The following PTPRG variants were observed in gnomAD, a reference collection of about 807,000 sequenced individuals.
PTPRG encodes the protein protein tyrosine phosphatase receptor type G, also known as receptor-type tyrosine-protein phosphatase gamma.
A neutral mutation model predicts 165.3 loss-of-function variants in PTPRG; 102 were observed. The observed-to-expected ratio is 0.62, with a 90% CI of 0.53 to 0.73. The LOEUF (loss-of-function observed/expected upper bound fraction) is 0.73. Among genes scored for constraint, PTPRG ranks in the 30% least tolerant of loss-of-function variants. PTPRG has a pLI of 0.00. For missense variants in PTPRG, 1,866 were observed against 1,861.4 expected (o/e 1.00, Z -0.05); for synonymous variants, 675 against 669.5 (o/e 1.01, Z -0.13).
intron 4 of PTPRG, among the ~76,000 whole-genome samples, chr3:62,053,040 C>T (rs1036862610): frequency 6.6e-6 from 1 of 152,084 alleles, no homozygotes; most frequent in Non-Finnish European, 1.5e-5. Flanking sequence ...TGAATCCATT[C>T]GCTTTTCCAG....
chr3:62,054,090 G>A (rs1279037648), intron 4 of PTPRG, among the ~76,000 whole-genome samples: 3 of 152,114 alleles, frequency 2.0e-5, no homozygotes, highest in East Asian at 3.9e-4. Flanking sequence ...ATCTATGAGC[G>A]TACTGACTTC....
intron 1 of PTPRG, among the ~76,000 whole-genome samples, chr3:61,618,945 C>T (rs1380753690): frequency 2.1e-5 from 3 of 144,058 alleles, no homozygotes; most frequent in Non-Finnish European, 1.5e-5. Flanking sequence ...AGTTCGAGAC[C>T]AGCCTGGGCA....
rs1029157373 is a variant in PTPRG, at chr3:62,210,548, G to C, written c.2155+6598G>C. On this transcript the variant is annotated intron_variant, in intron 12 of 29. Transcript: ENST00000474889. The surrounding 1 kb of genome is among the most constrained non-coding windows in gnomAD (Gnocchi z 4.1). ...AAAAGTGAAACCAGAATTACCATAT[G>C]ATTTAGCAGTTCTACTTCTGGGTAT... is the stretch of plus-strand genomic sequence containing the variant. Among the ~76,000 whole-genome samples the C allele has an allele frequency of 5.3e-5, 8 of 152,184 alleles. No homozygotes were observed. The highest frequency in any genetic ancestry group is 1.0e-4 in the Non-Finnish European group (7 of 68,024).
At chr3:61,940,229 C>T (rs1383757342) in intron 2 of PTPRG, among the ~76,000 whole-genome samples, 2 of 152,068 alleles carry the variant, frequency 1.3e-5, no homozygotes, top group East Asian at 1.9e-4. Flanking sequence ...GGATTACAGG[C>T]GTGAGCCACC....
chr3:62,067,811 A>T (rs1045960087), intron 4 of PTPRG, among the ~76,000 whole-genome samples: 6 of 152,162 alleles, frequency 3.9e-5, no homozygotes, highest in African/African-American at 1.2e-4. Context: ...GTAAATACAG[A>T]TGAGGGGGTT....
chr3:62,002,232 T>A (rs2041187582), intron 3 of PTPRG, among the ~76,000 whole-genome samples: 1 of 152,188 alleles, frequency 6.6e-6, no homozygotes. Context: ...CTAGTCCCTA[T>A]CTTTTATGGA....
intron 1 of PTPRG, among the ~76,000 whole-genome samples, chr3:61,570,851 C>T (rs912955898): frequency 2.6e-5 from 4 of 152,128 alleles, no homozygotes; most frequent in East Asian, 1.9e-4. Flanking sequence ...TTTCCAGAAG[C>T]GTTTCTCTTC....
chr3:61,950,140 CT>C (rs2039865342), intron 2 of PTPRG, among the ~76,000 whole-genome samples: 1 of 152,188 alleles, frequency 6.6e-6, no homozygotes, highest in Admixed American at 6.5e-5. Flanking sequence ...TTTTAAAATA[CT>C]TTGTGTGGCT....
At chr3:61,989,840 C>A in intron 3 of PTPRG, 36 bp downstream of exon 3, 1 of 1,606,370 alleles carries the variant, frequency 6.2e-7, no homozygotes, top group African/African-American at 1.3e-5. Context: ...CACAGAGCAA[C>A]AGGAACTATT....
At chr3:61,893,778 G>A (rs1429280264) in intron 2 of PTPRG, among the ~76,000 whole-genome samples, 2 of 152,146 alleles carry the variant, frequency 1.3e-5, no homozygotes, top group African/African-American at 4.8e-5. Context: ...TCTTGAGCGG[G>A]GGCATCCAGT....
chr3:61,871,141 T>TTA (rs2037562724), intron 2 of PTPRG, among the ~76,000 whole-genome samples: 6 of 119,036 alleles, frequency 5.0e-5, no homozygotes, highest in African/African-American at 2.3e-4. Flanking sequence ...TTGTGTTGTG[T>TTA]TGTGTTGTGT....
chr3:61,693,402 A>G (rs1471171342), intron 1 of PTPRG, among the ~76,000 whole-genome samples: 1 of 152,152 alleles, frequency 6.6e-6, no homozygotes, highest in Non-Finnish European at 1.5e-5. Flanking sequence ...CTGAACTCTC[A>G]TGGTTAAATG....
At chr3:61,745,353 C>T (rs997677639) in intron 1 of PTPRG, among the ~76,000 whole-genome samples, 18 of 152,242 alleles carry the variant, frequency 1.2e-4, no homozygotes, top group African/African-American at 2.4e-5. Flanking sequence ...GCTGCCATTC[C>T]CTCACTGTTG....
intron 4 of PTPRG, among the ~76,000 whole-genome samples, chr3:62,009,892 C>T (rs1244755990): frequency 6.6e-6 from 1 of 152,066 alleles, no homozygotes; most frequent in African/African-American, 2.4e-5. Flanking sequence ...CCCTCCTTCA[C>T]TGCTGGAATA....
chr3:62,169,702 A>G (rs1050838730), intron 8 of PTPRG, among the ~76,000 whole-genome samples: 2 of 152,186 alleles, frequency 1.3e-5, no homozygotes, highest in Admixed American at 6.5e-5. Flanking sequence ...TTCCCAACCC[A>G]GTGCTATCCT....
At chr3:61,650,250 G>C (rs1702314466) in intron 1 of PTPRG, among the ~76,000 whole-genome samples, 2 of 152,168 alleles carry the variant, frequency 1.3e-5, no homozygotes, top group African/African-American at 4.8e-5. Flanking sequence ...GGAAGCCAAG[G>C]GTGGGGGCAC....
intron 2 of PTPRG, among the ~76,000 whole-genome samples, chr3:61,801,997 C>G (rs1436107259): frequency 6.7e-6 from 1 of 149,994 alleles, no homozygotes; most frequent in Non-Finnish European, 1.5e-5. Flanking sequence ...TGCACTCCAG[C>G]CTGGCCAACA....
chr3:62,284,125 T>C (rs1253728399), intron 28 of PTPRG, among the ~76,000 whole-genome samples: 3 of 152,086 alleles, frequency 2.0e-5, no homozygotes, highest in Admixed American at 2.0e-4. Flanking sequence ...ATTCTAACGT[T>C]ACTGCCCAGT....
intron 4 of PTPRG, among the ~76,000 whole-genome samples, chr3:62,042,248 C>A (rs990392820): frequency 1.3e-5 from 2 of 152,138 alleles, no homozygotes; most frequent in African/African-American, 4.8e-5. Context: ...TCCAGCCTTG[C>A]CCTGGCCTGT....
Sources: gnomAD v4.1 joint callset for allele counts (sites outside exome capture counted in the v4.1 genomes callset) on GRCh38, gnomAD v4.1.1 for gene constraint, Gnocchi (gnomAD v3.1) non-coding constraint, MANE v1.5 for transcripts, NCBI Gene and HGNC (gene_info 2026-07-23, HGNC 2026-07-21) for gene names.